SLC4A7: variants seen among roughly 807,000 people sequenced by gnomAD.
SLC4A7 encodes solute carrier family 4 member 7, also known as sodium bicarbonate cotransporter 3.
In SLC4A7, 51 loss-of-function variants were observed where a neutral mutation model predicts 137.6. That is an observed-to-expected ratio of 0.37 (90% CI 0.30 to 0.47). The LOEUF (loss-of-function observed/expected upper bound fraction) is 0.47, where lower values mean the gene tolerates loss of function less well. Among genes scored for constraint, SLC4A7 ranks in the 20% least tolerant of loss-of-function variants. SLC4A7 has a pLI of 1.00. For missense variants in SLC4A7, 1,247 were observed against 1,525.4 expected, an observed-to-expected ratio of 0.82 and a Z score of 3.04; for synonymous variants, 542 against 518.6, an observed-to-expected ratio of 1.05 and a Z score of -0.61.
chr3:27,402,446 T>A (rs2150151725), intron 15 of SLC4A7, among the ~76,000 whole-genome samples: 1 of 152,288 alleles, frequency 6.6e-6, no homozygotes, highest in South Asian at 2.1e-4. Flanking sequence ...ACGCCTGTAA[T>A]CCCAGCACTT....
chr3:27,388,580 T>A (rs1218877119), intron 22 of SLC4A7, among the ~76,000 whole-genome samples: 1 of 152,164 alleles, frequency 6.6e-6, no homozygotes. Flanking sequence ...TTAGATATAG[T>A]ATGAAAATAA....
chr3:27,406,187 G>A (rs1227154708), intron 13 of SLC4A7, among the ~76,000 whole-genome samples: 1 of 152,182 alleles, frequency 6.6e-6, no homozygotes, highest in Non-Finnish European at 1.5e-5. Context: ...TTCAGCCATG[G>A]CCATATCTTA....
chr3:27,376,922 T>C, intron 25 of SLC4A7, 77 bp from the exon 26 acceptor site: 1 of 621,292 alleles, frequency 1.6e-6, no homozygotes. Context: ...ACAATGAGTA[T>C]ACTAAACCTT....
chr3:27,473,536 G>A (rs1292319370), intron 1 of SLC4A7, among the ~76,000 whole-genome samples: 1 of 151,454 alleles, frequency 6.6e-6, no homozygotes, highest in East Asian at 1.9e-4. Context: ...TGGGCAACAT[G>A]GCAAAACCAA....
chr3:27,443,182 C>T (rs984528207), intron 3 of SLC4A7, among the ~76,000 whole-genome samples: 1 of 151,720 alleles, frequency 6.6e-6, no homozygotes, highest in Non-Finnish European at 1.5e-5. Flanking sequence ...AGGAACGTGC[C>T]AAAACGCCTG....
rs781454399 is a variant in SLC4A7, at chr3:27,403,276, A to G, written c.2184T>C (p.Ile728=). 6.2e-7 allele frequency: 1 copy of G among 1,614,064 alleles called. No homozygotes were observed. The highest frequency in any genetic ancestry group is 1.1e-5 in the South Asian group (1 of 91,084). The change falls in exon 15 of 26, where the codon ATT becomes ATC. Residue 728 remains isoleucine, a synonymous_variant. Coordinates refer to ENST00000454389, the MANE Select transcript of SLC4A7 (RefSeq NM_001321103.2). ...ATDASSLVCY[I]TRFTEEAFAA... is the part of the protein sequence containing the mutation. ...CAAAAGCCTCTTCTGTAAATCGAGT[A>G]ATATAACACACAAGGCTGCTTGCAT...
chr3:27,400,584 TA>T (rs1373098717), intron 16 of SLC4A7, among the ~76,000 whole-genome samples, 179 bp downstream of exon 16: 1 of 152,188 alleles, frequency 6.6e-6, no homozygotes, highest in Non-Finnish European at 1.5e-5. Context: ...CTTTTCAGCC[TA>T]CACTTTCGAG....
chr3:27,400,432 G>A (rs192486475), intron 16 of SLC4A7, among the ~76,000 whole-genome samples: 1 of 152,172 alleles, frequency 6.6e-6, no homozygotes, highest in African/African-American at 2.4e-5. Context: ...GACAGTATAT[G>A]TAGCCACAGT....
At chr3:27,434,770 T>C (rs1286694918) in intron 5 of SLC4A7, among the ~76,000 whole-genome samples, 2 of 151,952 alleles carry the variant, frequency 1.3e-5, no homozygotes, top group African/African-American at 2.4e-5. Flanking sequence ...ATATTAATAG[T>C]TTTAAATAGT....
Position 27,434,229 on chromosome 3 carries a change from C to T in SLC4A7, c.590-125G>A. 3 of 590,032 alleles carry T rather than the reference C, an allele frequency of 5.1e-6. No homozygotes were observed. The Admixed American group carries it at 1.1e-4, about 22-fold the overall frequency. 36.5% of individuals were successfully genotyped at this position (590,032 alleles called of 1,614,324 possible). ...ATAGCTCTAGAAAGTTTTATTCTGTCACAAATAATCAATGCAGAAATGAAC... is the reference window on the plus strand; with the variant it reads ...ATAGCTCTAGAAAGTTTTATTCTGTTACAAATAATCAATGCAGAAATGAAC... On this transcript the variant is annotated intron_variant, in intron 5 of 25. Transcript: ENST00000454389.
chr3:27,428,103 T>C (rs946928026), intron 7 of SLC4A7, among the ~76,000 whole-genome samples: 2 of 152,198 alleles, frequency 1.3e-5, no homozygotes, highest in Non-Finnish European at 2.9e-5. Context: ...AAATAGTAAA[T>C]CTTGTTAGTT....
intron 6 of SLC4A7, among the ~76,000 whole-genome samples, chr3:27,432,534 T>A (rs1214221040): frequency 6.6e-6 from 1 of 152,194 alleles, no homozygotes; most frequent in Non-Finnish European, 1.5e-5. Context: ...CTTAAAAGAA[T>A]AACATTCTTT....
intron 6 of SLC4A7, among the ~76,000 whole-genome samples, chr3:27,432,936 C>T (rs1411025262): frequency 1.3e-5 from 2 of 152,066 alleles, no homozygotes; most frequent in Non-Finnish European, 2.9e-5. Context: ...GCATTTTGGT[C>T]CATAAGAGGT....
intron 7 of SLC4A7, among the ~76,000 whole-genome samples, chr3:27,426,158 G>A (rs888155877): frequency 1.1e-4 from 17 of 152,186 alleles, no homozygotes; most frequent in Admixed American, 2.0e-4. Flanking sequence ...TCACTTCTCT[G>A]TAAATACCTA....
Position 27,431,527 on chromosome 3 carries a change from C to T in SLC4A7, c.921G>A (p.Arg307=). 2 of 1,614,038 alleles carry T rather than the reference C, an allele frequency of 1.2e-6. No homozygotes were observed. Among genetic ancestry groups the T allele is most frequent in the South Asian group, 1.1e-5 (1 of 91,062 alleles). The part of the protein sequence containing the change: ...SSRAGTPAGS[R]CTTPVPTPQN... ...GAGGGGTGGGTACTGGGGTTGTACA[C>T]CTTGAGCCTGCAGGGGTTCCAGCTC... Residue 307 remains arginine (R), a synonymous_variant, in exon 7 of 26, where the codon AGG becomes AGA. Transcript: ENST00000454389.
At chr3:27,430,525 CAGG>C (rs2056156921) in intron 7 of SLC4A7, among the ~76,000 whole-genome samples, 1 of 145,952 alleles carries the variant, frequency 6.9e-6, no homozygotes, top group African/African-American at 2.6e-5. Flanking sequence ...GAAGCTGAGG[CAGG>C]AGGATTGCTT....
intron 1 of SLC4A7, among the ~76,000 whole-genome samples, chr3:27,473,534 A>G (rs1241721860): frequency 6.6e-6 from 1 of 151,734 alleles, no homozygotes; most frequent in African/African-American, 2.4e-5. Context: ...CCTGGGCAAC[A>G]TGGCAAAACC....
intron 8 of SLC4A7, among the ~76,000 whole-genome samples, chr3:27,422,112 T>G (rs2055041256): frequency 6.6e-6 from 1 of 152,186 alleles, no homozygotes; most frequent in African/African-American, 2.4e-5. Flanking sequence ...GTTCATGAAA[T>G]TATACACAGT....
intron 1 of SLC4A7, among the ~76,000 whole-genome samples, chr3:27,455,859 AAAAAAACAC>A (rs1272349677): frequency 1.3e-5 from 2 of 152,194 alleles, no homozygotes; most frequent in Non-Finnish European, 2.9e-5. Context: ...CTTGTCTCAA[AAAAAAACAC>A]AAAAAACAAA....
Sources: gnomAD v4.1 joint callset for allele counts (sites outside exome capture counted in the v4.1 genomes callset) on GRCh38, gnomAD v4.1.1 for gene constraint, MANE v1.5 for transcripts, NCBI Gene and HGNC (gene_info 2026-07-23, HGNC 2026-07-21) for gene names.